Variants in LIMCH1 observed in about 807,000 individuals in gnomAD.
LIMCH1 encodes LIM and calponin homology domains 1.
A neutral mutation model predicts 176.5 loss-of-function variants in LIMCH1; 113 were observed. The observed-to-expected ratio is 0.64, with a 90% CI of 0.55 to 0.75. The LOEUF (loss-of-function observed/expected upper bound fraction) is 0.75. Among genes scored for constraint, LIMCH1 ranks in the 30% least tolerant of loss-of-function variants. LIMCH1 has a pLI of 0.00. For missense variants in LIMCH1, 1,674 were observed against 1,814.9 expected (o/e 0.92, Z 1.41); for synonymous variants, 619 against 645.9 (o/e 0.96, Z 0.63).
chr4:41,440,689 C>T (rs533556514), intron 1 of LIMCH1, among the ~76,000 whole-genome samples: 72 of 152,142 alleles, frequency 4.7e-4, no homozygotes, highest in African/African-American at 1.5e-3. Context: ...CACACCACCG[C>T]GCCCGGCTAA....
chr4:41,626,513 G>A (rs946645731), intron 7 of LIMCH1, among the ~76,000 whole-genome samples, 195 bp from the exon 8 acceptor site: 2 of 152,132 alleles, frequency 1.3e-5, no homozygotes, highest in African/African-American at 4.8e-5. Flanking sequence ...TATTGCTAGT[G>A]TCTGGCTAAA....
intron 1 of LIMCH1, among the ~76,000 whole-genome samples, chr4:41,405,777 A>G (rs1329904779): frequency 1.3e-5 from 2 of 151,950 alleles, no homozygotes; most frequent in Non-Finnish European, 2.9e-5. Flanking sequence ...TGTATTATGT[A>G]TCAATGAAAC....
chr4:41,456,861 T>C (rs2064670500), intron 1 of LIMCH1, among the ~76,000 whole-genome samples: 2 of 152,164 alleles, frequency 1.3e-5, no homozygotes, highest in Non-Finnish European at 1.5e-5. Context: ...GCTGAGACTT[T>C]AGCGAGACTG....
At chr4:41,550,290 A>G (rs1421650941) in intron 1 of LIMCH1, among the ~76,000 whole-genome samples, 1 of 151,376 alleles carries the variant, frequency 6.6e-6, no homozygotes, top group African/African-American at 2.4e-5. Context: ...TTAATTTAGC[A>G]CATGTGGCAG....
Position 41,577,405 on chromosome 4 carries a change from G to A in LIMCH1, c.-240-21515G>A, listed in dbSNP as rs189672266. ...TCCTAGTGTTAACAGTGCTTATTCC[G>A]AATAGTTCAGTTGCAAGTGATTTAT... is the stretch of plus-strand genomic sequence containing the variant. On this transcript the variant is annotated intron_variant, in intron 1 of 31. Transcript: ENST00000503057. 2.1e-3 allele frequency among the ~76,000 whole-genome samples: 313 copies of A among 152,146 alleles called. 1 individual carries two copies. Among genetic ancestry groups the A allele is most frequent in the Non-Finnish European group, 3.6e-3 (248 of 67,982 alleles).
chr4:41,501,857 CTTTTTTTTTTTTTTTTTTTTT>C (rs71198662), intron 2 of LIMCH1, among the ~76,000 whole-genome samples: 4 of 74,986 alleles, frequency 5.3e-5, no homozygotes, highest in African/African-American at 2.3e-4. Context: ...GTGTAGAATC[CTTTTTTTTTTTTTTTTTTTTT>C]TTTTTTTTAA....
chr4:41,598,944 G>A lies in LIMCH1; in HGVS notation c.-216G>A. 1 of 1,608,710 alleles carries A rather than the reference G, an allele frequency of 6.2e-7. No individual in the cohort carries two copies. Among genetic ancestry groups the A allele is most frequent in the South Asian group, 1.1e-5 (1 of 90,888 alleles). On this transcript the variant is annotated 5_prime_UTR_variant, in exon 2 of 32. Coordinates refer to ENST00000503057, the MANE Select transcript of LIMCH1 (RefSeq NM_001330672.2). ...GGACAATATTATCTTATTCTTGAGA[G>A]GTTGTAAAGAGCTCGGCCTTAAAGA...
chr4:41,362,875 A>G (rs892618695), intron 1 of LIMCH1, among the ~76,000 whole-genome samples: 1 of 152,166 alleles, frequency 6.6e-6, no homozygotes, highest in Non-Finnish European at 1.5e-5. Flanking sequence ...GTAGAACCTC[A>G]TTAAGCCCTA....
At chr4:41,670,965 G>A (rs566943236) in intron 21 of LIMCH1, 7 of 983,250 alleles carry the variant, frequency 7.1e-6, no homozygotes, top group Middle Eastern at 5.2e-4. Context: ...CTAAAATTGG[G>A]GGTAGGAGGA....
intron 14 of LIMCH1, among the ~76,000 whole-genome samples, chr4:41,644,271 A>G (rs1054386989): frequency 6.6e-6 from 1 of 152,226 alleles, no homozygotes; most frequent in African/African-American, 2.4e-5. Flanking sequence ...CACTGAAGAC[A>G]AAGACGGTCA....
chr4:41,478,136 A>G (rs78095722), intron 1 of LIMCH1, among the ~76,000 whole-genome samples: 4,873 of 152,310 alleles, frequency 0.032, 108 homozygotes, highest in South Asian at 0.066. Context: ...TGTAAAACCT[A>G]TTTCATTATA....
intron 20 of LIMCH1, among the ~76,000 whole-genome samples, chr4:41,663,383 G>A (rs578072309): frequency 6.6e-6 from 1 of 152,136 alleles, no homozygotes; most frequent in South Asian, 2.1e-4. Flanking sequence ...TTGTGGAAAA[G>A]TGTAATATAA....
rs570500886 is a variant in LIMCH1, at chr4:41,639,781, A to G, written c.2126+814A>G. 4.6e-5 allele frequency among the ~76,000 whole-genome samples: 7 copies of G among 152,302 alleles called. No individual in the cohort carries two copies. In the South Asian group the frequency reaches 6.2e-4, roughly 14 times the overall value. The stretch of plus-strand genomic sequence containing the variant: ...AATTTGTATTTGAAGAAACATGATT[A>G]ATATCTAAATCCAGCATCAGTAGTC... On this transcript the variant is annotated intron_variant, in intron 14 of 31. Transcript: ENST00000503057.
At chr4:41,656,798 G>A (rs1382631827) in intron 18 of LIMCH1, among the ~76,000 whole-genome samples, 9 of 152,282 alleles carry the variant, frequency 5.9e-5, no homozygotes, top group Admixed American at 1.3e-4. Context: ...GGGAAAGGAC[G>A]TTGGACATCA....
intron 1 of LIMCH1, among the ~76,000 whole-genome samples, chr4:41,437,973 T>G (rs11730615): frequency 0.25 from 38,487 of 152,144 alleles, 6,554 homozygotes; most frequent in African/African-American, 0.48. Context: ...TCCATATCCA[T>G]TCCATGATGC....
intron 1 of LIMCH1, among the ~76,000 whole-genome samples, chr4:41,414,034 A>G (rs1336092338): frequency 6.6e-6 from 1 of 152,212 alleles, no homozygotes; most frequent in Non-Finnish European, 1.5e-5. Flanking sequence ...TTAAACTTCA[A>G]TTCCTTATGT....
At chr4:41,600,895 T>C (rs1396289791) in intron 2 of LIMCH1, among the ~76,000 whole-genome samples, 1 of 152,212 alleles carries the variant, frequency 6.6e-6, no homozygotes, top group Non-Finnish European at 1.5e-5. Flanking sequence ...TCTTAGTTAC[T>C]GTACCATCTT....
intron 13 of LIMCH1, among the ~76,000 whole-genome samples, chr4:41,638,008 T>C (rs1310310483): frequency 3.9e-5 from 6 of 152,206 alleles, no homozygotes; most frequent in African/African-American, 1.4e-4. Flanking sequence ...CCATCAGAAT[T>C]GCAGAAAGGA....
intron 1 of LIMCH1, among the ~76,000 whole-genome samples, chr4:41,424,008 TA>T (rs1170633962): frequency 6.6e-6 from 1 of 152,184 alleles, no homozygotes; most frequent in Admixed American, 6.5e-5. Context: ...GATACTGGCA[TA>T]CCATCATTAG....
Sources: allele counts gnomAD v4.1 joint callset (sites outside exome capture counted in the v4.1 genomes callset), GRCh38; gene constraint gnomAD v4.1.1; transcripts MANE v1.5; gene names NCBI Gene and HGNC (gene_info 2026-07-23, HGNC 2026-07-21).